RIPK4: variants seen among roughly 807,000 people sequenced by gnomAD.
The protein encoded by RIPK4 is receptor-interacting serine/threonine-protein kinase 4.
Under a neutral mutation model 42.9 loss-of-function variants are expected in RIPK4, and 17 were observed. That is an observed-to-expected ratio of 0.40 (90% CI 0.27 to 0.59). The LOEUF (loss-of-function observed/expected upper bound fraction) is 0.59, where lower values mean the gene tolerates loss of function less well. RIPK4 is among the 20% of genes least tolerant of loss of function. The pLI, the probability that RIPK4 is intolerant of heterozygous loss-of-function variation, is 0.47. For synonymous variants in RIPK4, 498 were observed against 499.1 expected, an observed-to-expected ratio of 1.00 and a Z score of 0.03; for missense variants, 897 against 1,104.4, an observed-to-expected ratio of 0.81 and a Z score of 2.66.
At position 41,741,130 on chromosome 21, in the gene RIPK4, A is replaced by G; in HGVS notation, c.2063T>C (p.Leu688Pro). 3 of 1,612,922 alleles carry G rather than the reference A, an allele frequency of 1.9e-6. No homozygotes were observed. Among genetic ancestry groups the G allele is most frequent in the Non-Finnish European group, 8.5e-7 (1 of 1,179,854 alleles). ...CACATCGGCCTTCTCCTCGACAAGC[A>G]GCTTGACAGTGGCCAGGTGTCCGTT... is the stretch of plus-strand genomic sequence containing the variant. The part of the protein sequence containing the change: ...ARNGHLATVK[L>P]LVEEKADVLA... Residue 688 changes from leucine (L) to proline (P), a missense_variant, in exon 8 of 8, where the codon CTG becomes CCG. Transcript: ENST00000332512.
At chr21:41,754,280 T>C (rs1342348155) in intron 2 of RIPK4, among the ~76,000 whole-genome samples, 1 of 152,214 alleles carries the variant, frequency 6.6e-6, no homozygotes, top group East Asian at 1.9e-4. Context: ...TGCTGCACTC[T>C]ACGCACACCA....
intron 6 of RIPK4, 82 bp from the exon 7 acceptor site, chr21:41,744,222 A>G: frequency 1.4e-6 from 2 of 1,396,252 alleles, no homozygotes; most frequent in Non-Finnish European, 1.9e-6. Flanking sequence ...ACAGAAGAGC[A>G]AGGTGGGCCA....
At chr21:41,746,510 G>T in intron 5 of RIPK4, 103 bp downstream of exon 5, 1 of 1,392,082 alleles carries the variant, frequency 7.2e-7, no homozygotes, top group Non-Finnish European at 9.8e-7. Flanking sequence ...CCTGTTACAC[G>T]CCTTGTTTCT....
chr21:41,754,498 C>CGTG (rs1351494448), intron 2 of RIPK4, among the ~76,000 whole-genome samples: 1 of 152,172 alleles, frequency 6.6e-6, no homozygotes, highest in African/African-American at 2.4e-5. Context: ...CAGCACCCAG[C>CGTG]GTGCCTTCGA....
Position 41,751,640 on chromosome 21 carries a change from C to T in RIPK4, c.475-395G>A, listed in dbSNP as rs1329136363. 1.3e-5 allele frequency among the ~76,000 whole-genome samples: 2 copies of T among 152,220 alleles called. No homozygotes were observed. The highest frequency in any genetic ancestry group is 3.9e-4 in the East Asian group (2 of 5,194). ...TCGAGGGTTCAGGTAAAGAGAGACA[C>T]ATGTGAAGACCAGGTCTGCTCCTAG... On this transcript the variant is annotated intron_variant, in intron 2 of 7. Transcript: ENST00000332512. The surrounding 1 kb of genome is among the most constrained non-coding windows in gnomAD (Gnocchi z 4.5).
At chr21:41,759,464 C>T (rs138889264) in intron 1 of RIPK4, among the ~76,000 whole-genome samples, 13 of 152,302 alleles carry the variant, frequency 8.5e-5, no homozygotes, top group African/African-American at 2.6e-4. Flanking sequence ...GATCCGACCT[C>T]CTATAGCAGG....
chr21:41,748,490 G>C (rs1221220362), intron 4 of RIPK4, among the ~76,000 whole-genome samples: 1 of 152,162 alleles, frequency 6.6e-6, no homozygotes, highest in African/African-American at 2.4e-5. Flanking sequence ...TGCCTGGCTG[G>C]GGAAGCAAAC....
chr21:41,761,441 C>G (rs368256111), intron 1 of RIPK4, among the ~76,000 whole-genome samples: 1 of 152,222 alleles, frequency 6.6e-6, no homozygotes. Context: ...TGTCTGTTTC[C>G]GATTGCTCAA....
rs775138602 is a variant in RIPK4 at position 41,767,033 on chromosome 21, G to A, written c.9C>T (p.Gly3=). Residue 3 remains glycine, a synonymous_variant, in exon 1 of 8, where the codon GGC becomes GGT. Transcript: ENST00000332512. This position sits in a 1 kb window ranked among gnomAD's most constrained non-coding sequence, Gnocchi z 4.0. ME[G]DGGTPWALAL... The stretch of plus-strand genomic sequence containing the variant: ...CCAGGGCCCATGGGGTCCCGCCGTC[G>A]CCCTCCATCGCGCACGTCTAGCCAG... 1.9e-6 allele frequency: 3 copies of A among 1,572,456 alleles called. 1 individual carries two copies. Among genetic ancestry groups the A allele is most frequent in the South Asian group, 2.3e-5 (2 of 86,692 alleles).
At position 41,741,987 on chromosome 21, in the gene RIPK4, G is replaced by A; in HGVS notation, c.1206C>T (p.Thr402=). 6.3e-7 allele frequency: 1 copy of A among 1,593,904 alleles called. No individual in the cohort carries two copies. ...CAAGCTTCTTCTTCTGGACGTCTGT[G>A]GTGCCCAGATCTGCAGGGAGAGGAG... ...EREPSTSDLG[T]TDVQKKKLVD... is the part of the protein sequence containing the mutation. The change falls in exon 8 of 8, where the codon ACC becomes ACT. Residue 402 remains threonine, a synonymous_variant. Coordinates refer to ENST00000332512, the MANE Select transcript of RIPK4 (RefSeq NM_020639.3).
In RIPK4 at chr21:41,741,951, G is replaced by A. The variant is rs145132650; in HGVS notation, c.1242C>T (p.Ile414=). 126 of 1,608,182 alleles carry A rather than the reference G, an allele frequency of 7.8e-5. No homozygotes were observed. In the African/African-American group the frequency reaches 1.4e-3, roughly 17 times the overall value. ...TCAGTTTGCTGGTGTCCCCGGACAC[G>A]ATGGCATCCACAAGCTTCTTCTTCT... is the stretch of plus-strand genomic sequence containing the variant. ...DVQKKKLVDA[I]VSGDTSKLMK... The change falls in exon 8 of 8, where the codon ATC becomes ATT. Residue 414 remains isoleucine (I), a synonymous_variant. Coordinates refer to ENST00000332512, the MANE Select transcript of RIPK4 (RefSeq NM_020639.3).
intron 1 of RIPK4, among the ~76,000 whole-genome samples, chr21:41,763,735 T>C (rs2061227933): frequency 6.6e-6 from 1 of 152,282 alleles, no homozygotes; most frequent in South Asian, 2.1e-4. Flanking sequence ...GAAACGGGCT[T>C]GTCCAATCGT....
chr21:41,741,187 T>C lies in RIPK4; in HGVS notation c.2006A>G (p.Asp669Gly). 1 of 1,611,564 alleles carries C rather than the reference T, an allele frequency of 6.2e-7. No homozygotes were observed. Among genetic ancestry groups the C allele is most frequent in the Non-Finnish European group, 8.5e-7 (1 of 1,179,190 alleles). The change falls in exon 8 of 8, where the codon GAC becomes GGC. Residue 669 changes from aspartate to glycine, a missense_variant. Physicochemically the swap from Asp to Gly is moderately conservative, Grantham distance 94. Transcript: ENST00000332512. The stretch of plus-strand genomic sequence containing the variant: ...AGCCAGGTGCAGAGCGGTGTAGCCG[T>C]CTGAGGTCATGGCCTCCTTGCCAGC... ...RGAGKEAMTS[D>G]GYTALHLAAR...
At chr21:41,746,236 CAT>C (rs1028667498) in intron 5 of RIPK4, 16 of 596,860 alleles carry the variant, frequency 2.7e-5, no homozygotes, top group African/African-American at 2.4e-4. Flanking sequence ...GCCAGAGACA[CAT>C]CTGTCCCAGG....
Position 41,746,680 on chromosome 21 carries a change from G to A in RIPK4, c.765C>T (p.Cys255=). The change falls in exon 5 of 8, where the codon TGC becomes TGT. Residue 255 remains cysteine, a synonymous_variant. Coordinates refer to ENST00000332512, the MANE Select transcript of RIPK4 (RefSeq NM_020639.3). ...GCTGCATGAGGCGTATCAGGTGGCTGCAGGCGCGCGGCCGGGCTCTGCACA... is the reference window on the plus strand; with the variant it reads ...GCTGCATGAGGCGTATCAGGTGGCTACAGGCGCGCGGCCGGGCTCTGCACA... The part of the protein sequence containing the change: ...PPVCRARPRA[C]SHLIRLMQRC... 6.2e-7 allele frequency: 1 copy of A among 1,611,162 alleles called. No homozygotes were observed. Among genetic ancestry groups the A allele is most frequent in the Non-Finnish European group, 8.5e-7 (1 of 1,179,840 alleles).
Position 41,741,799 on chromosome 21 carries a change from T to C in RIPK4, c.1394A>G (p.Asn465Ser). The C allele has an allele frequency of 1.9e-6, 3 of 1,611,214 alleles. No individual in the cohort carries two copies. Among genetic ancestry groups the C allele is most frequent in the Non-Finnish European group, 2.5e-6 (3 of 1,179,964 alleles). ...KWLLLNNANPNLSNRRGSTPL... is the reference protein window; with the variant it reads ...KWLLLNNANPSLSNRRGSTPL... ...GGTGGAGCCCCTACGGTTGCTCAGG[T>C]TGGGGTTGGCATTGTTGAGCAGCAG... is the stretch of plus-strand genomic sequence containing the variant. The change falls in exon 8 of 8, where the codon AAC becomes AGC. Residue 465 changes from asparagine (N) to serine (S), a missense_variant. Coordinates refer to ENST00000332512, the MANE Select transcript of RIPK4 (RefSeq NM_020639.3).
chr21:41,749,199 C>A lies in RIPK4; in HGVS notation c.628G>T (p.Ala210Ser). The A allele has an allele frequency of 1.2e-6, 2 of 1,613,836 alleles. No homozygotes were observed. The highest frequency in any genetic ancestry group is 8.5e-7 in the Non-Finnish European group (1 of 1,179,880). Reference sequence around the variant, plus strand: ...GTGAGCACGCCCCAGATGACGATCGCAAAGCTGGAAGAGAAACCAGGCACG... The same window carrying A: ...GTGAGCACGCCCCAGATGACGATCGAAAAGCTGGAAGAGAAACCAGGCACG... ...FDTKHDVYSF[A>S]IVIWGVLTQK... is the part of the protein sequence containing the mutation. The change falls in exon 4 of 8, where the codon GCG becomes TCG. Residue 210 changes from alanine (A) to serine (S), a missense_variant. Ala to Ser is a moderately conservative substitution (Grantham distance 99). Transcript: ENST00000332512.
chr21:41,744,826 G>C (rs551129451), intron 6 of RIPK4, among the ~76,000 whole-genome samples: 1 of 152,314 alleles, frequency 6.6e-6, no homozygotes, highest in East Asian at 1.9e-4. Context: ...CCGGCTACAG[G>C]GACGAGGGGT....
At chr21:41,758,213 CA>C (rs1029587047) in intron 1 of RIPK4, among the ~76,000 whole-genome samples, 3 of 151,816 alleles carry the variant, frequency 2.0e-5, no homozygotes, top group African/African-American at 7.3e-5. Context: ...CCATCATCCT[CA>C]ACAAAAATTC....
Sources: allele counts gnomAD v4.1 joint callset (sites outside exome capture counted in the v4.1 genomes callset), GRCh38; gene constraint gnomAD v4.1.1; non-coding constraint Gnocchi (gnomAD v3.1); transcripts MANE v1.5; gene names NCBI Gene and HGNC (gene_info 2026-07-23, HGNC 2026-07-21).